The following IKZF2 variants were observed in gnomAD, a reference collection of about 807,000 sequenced individuals.
IKZF2 encodes the protein zinc finger protein Helios.
Under a neutral mutation model 49.2 loss-of-function variants are expected in IKZF2, and 15 were observed. The observed-to-expected ratio is 0.30, with a 90% CI of 0.20 to 0.47. The LOEUF is 0.47. Among genes scored for constraint, IKZF2 ranks in the 20% least tolerant of loss-of-function variants. The pLI is 1.00. For synonymous variants in IKZF2, 227 were observed against 221.4 expected, an observed-to-expected ratio of 1.03 and a Z score of -0.23; for missense variants, 567 against 664.6, an observed-to-expected ratio of 0.85 and a Z score of 1.61.
At chr2:213,079,569 C>A (rs115486939) in intron 4 of IKZF2, among the ~76,000 whole-genome samples, 3 of 34,628 alleles carry the variant, frequency 8.7e-5, no homozygotes, top group African/African-American at 1.3e-4. Context: ...GAGAGAGAGA[C>A]AGAGAAAGAG....
intron 4 of IKZF2, among the ~76,000 whole-genome samples, chr2:213,133,502 A>T (rs1574959948): frequency 6.6e-6 from 1 of 152,074 alleles, no homozygotes; most frequent in Non-Finnish European, 1.5e-5. Flanking sequence ...AGGCTGAGGT[A>T]GGCAGATTAC....
At chr2:213,081,478 G>A (rs1703945553) in intron 4 of IKZF2, among the ~76,000 whole-genome samples, 1 of 152,054 alleles carries the variant, frequency 6.6e-6, no homozygotes, top group Non-Finnish European at 1.5e-5. Flanking sequence ...ATGAGAATAT[G>A]GCATGATGAG....
intron 6 of IKZF2, among the ~76,000 whole-genome samples, chr2:213,034,927 T>C (rs980260774): frequency 1.3e-5 from 2 of 152,232 alleles, no homozygotes; most frequent in African/African-American, 4.8e-5. Flanking sequence ...CATCTGACTT[T>C]CTATATTACA....
At chr2:213,147,413 A>G (rs2061113758) in intron 4 of IKZF2, 1 of 545,288 alleles carries the variant, frequency 1.8e-6, no homozygotes, top group East Asian at 2.9e-5. Context: ...ACAACAAAAA[A>G]TCCAGTCATA....
intron 3 of IKZF2, among the ~76,000 whole-genome samples, chr2:213,148,176 T>G (rs1016182839): frequency 6.6e-6 from 1 of 152,202 alleles, no homozygotes; most frequent in African/African-American, 2.4e-5. Context: ...AGAGAGAGGA[T>G]GGAAAAGACA....
At chr2:213,080,356 T>C (rs1048364991) in intron 4 of IKZF2, among the ~76,000 whole-genome samples, 15 of 152,176 alleles carry the variant, frequency 9.9e-5, no homozygotes, top group Non-Finnish European at 1.9e-4. Flanking sequence ...TTTTGGGATA[T>C]GGAGGCACAA....
Position 213,000,461 on chromosome 2 carries a change from G to A in IKZF2, c.*6899C>T, listed in dbSNP as rs1456504757. ...TTGTTAAAGAAAGAATATCTAAAAT[G>A]GCCAAGACACATACTGTACAAATGC... On this transcript the variant is annotated 3_prime_UTR_variant, in exon 9 of 9. Transcript: ENST00000434687. 6.6e-6 allele frequency: 1 copy of A among 151,206 alleles called. No homozygotes were observed. The highest frequency in any genetic ancestry group is 1.5e-5 in the Non-Finnish European group (1 of 67,442). The allele number at this position is 151,206 out of a possible 1,614,324, so 9.4% of individuals were successfully genotyped here. A position where few individuals can be genotyped will look rare whatever the true frequency, so the allele number is the denominator to read the frequency against.
At chr2:213,083,511 CT>C (rs1468533535) in intron 4 of IKZF2, among the ~76,000 whole-genome samples, 2 of 149,686 alleles carry the variant, frequency 1.3e-5, no homozygotes, top group Non-Finnish European at 3.0e-5. Context: ...CTGCCTCAGC[CT>C]AGCTGGGATT....
intron 5 of IKZF2, among the ~76,000 whole-genome samples, chr2:213,053,090 T>C (rs1700828046): frequency 6.6e-6 from 1 of 152,076 alleles, no homozygotes; most frequent in Admixed American, 6.6e-5. Flanking sequence ...TCAAAGCAAA[T>C]TTTAAGAAAA....
chr2:213,128,291 C>G (rs1467907900), intron 4 of IKZF2, among the ~76,000 whole-genome samples: 1 of 152,050 alleles, frequency 6.6e-6, no homozygotes, highest in Non-Finnish European at 1.5e-5. Context: ...AAAAAATGAG[C>G]TAAGTGCTCT....
chr2:213,120,504 G>T (rs2060019605), intron 4 of IKZF2, among the ~76,000 whole-genome samples: 1 of 152,206 alleles, frequency 6.6e-6, no homozygotes, highest in African/African-American at 2.4e-5. Flanking sequence ...GGAATTTCAG[G>T]AGATGAAGAC....
chr2:213,103,289 T>A (rs999969216), intron 4 of IKZF2, among the ~76,000 whole-genome samples: 5 of 152,136 alleles, frequency 3.3e-5, no homozygotes, highest in African/African-American at 1.2e-4. Flanking sequence ...ATATCACAAC[T>A]AATGGCAATG....
chr2:213,049,243 A>C (rs892452833), intron 6 of IKZF2, among the ~76,000 whole-genome samples: 1 of 152,094 alleles, frequency 6.6e-6, no homozygotes, highest in East Asian at 1.9e-4. Flanking sequence ...TCGAAAAGCC[A>C]ATTTTCTGAG....
intron 4 of IKZF2, among the ~76,000 whole-genome samples, chr2:213,086,597 A>G (rs1035381062): frequency 6.6e-6 from 1 of 152,124 alleles, no homozygotes; most frequent in African/African-American, 2.4e-5. Flanking sequence ...ATATCCCTAA[A>G]GATGTCCAGA....
chr2:213,142,351 C>A (rs982460934), intron 4 of IKZF2, among the ~76,000 whole-genome samples: 4 of 151,918 alleles, frequency 2.6e-5, no homozygotes, highest in African/African-American at 9.7e-5. Context: ...AAATCCCTAT[C>A]TTTCTTCCCT....
rs772098331 is a variant in IKZF2 at position 213,049,697 on chromosome 2, A to G, written c.574+16T>C. 7 of 1,520,892 alleles carry G rather than the reference A, an allele frequency of 4.6e-6. No homozygotes were observed. The highest frequency in any genetic ancestry group is 5.3e-6 in the Non-Finnish European group (6 of 1,128,720). 94.2% of individuals were successfully genotyped at this position (1,520,892 alleles called of 1,614,324 possible). ...TCCTGTTTTACTTTTCTTCTCAAGG[A>G]GTTGGTGACACTTACCAGAATGGGT... On this transcript the variant is annotated intron_variant, in intron 6 of 8. Transcript: ENST00000434687.
intron 4 of IKZF2, among the ~76,000 whole-genome samples, chr2:213,057,577 A>C (rs1701282442): frequency 6.6e-6 from 1 of 152,178 alleles, no homozygotes; most frequent in Non-Finnish European, 1.5e-5. Flanking sequence ...TGAACAGGGC[A>C]AGAGAAACAA....
At chr2:213,018,625 C>G (rs1472408099) in intron 7 of IKZF2, among the ~76,000 whole-genome samples, 1 of 152,064 alleles carries the variant, frequency 6.6e-6, no homozygotes, top group Non-Finnish European at 1.5e-5. Flanking sequence ...CCTAGTGGCC[C>G]CCCATCAGTT....
Position 213,007,987 on chromosome 2 carries a change from G to A in IKZF2, c.954C>T (p.Asp318=). ...EAELMQSHMM[D]QAINNAITYL... ...AGGTGATTGCATTGTTGATGGCTTG[G>A]TCCATCATATGAGACTGCATCAGCT... is the stretch of plus-strand genomic sequence containing the variant. Residue 318 remains aspartate, a synonymous_variant, in exon 9 of 9, where the codon GAC becomes GAT. Transcript: ENST00000434687. The A allele has an allele frequency of 1.2e-6, 2 of 1,613,442 alleles. No individual in the cohort carries two copies. Among genetic ancestry groups the A allele is most frequent in the Non-Finnish European group, 1.7e-6 (2 of 1,179,718 alleles).
Sources: allele counts gnomAD v4.1 joint callset (sites outside exome capture counted in the v4.1 genomes callset), GRCh38; gene constraint gnomAD v4.1.1; transcripts MANE v1.5; gene names NCBI Gene and HGNC (gene_info 2026-07-23, HGNC 2026-07-21).